Variants in LRRC41 observed in about 807,000 individuals in gnomAD.
The protein encoded by LRRC41 is leucine rich repeat containing 41, also known as leucine-rich repeat-containing protein 41.
A neutral mutation model predicts 72.1 loss-of-function variants in LRRC41; 17 were observed. That is an observed-to-expected ratio of 0.24 (90% CI 0.16 to 0.35). The LOEUF is 0.35. Among genes scored for constraint, LRRC41 ranks in the 10% least tolerant of loss-of-function variants. The pLI is 1.00. For synonymous variants in LRRC41, 427 were observed against 431.0 expected (o/e 0.99, Z 0.11); for missense variants, 759 against 1,065.0 (o/e 0.71, Z 4.00).
Position 46,278,958 on chromosome 1 carries a change from C to T in LRRC41, c.2346G>A (p.Arg782=), listed in dbSNP as rs142839959. ...NWLDQDAVTA[R]EAIRRLRATC... ...TAGCCCGGAGCCGCCGGATGGCTTC[C>T]CTGGCTGTGACTGCATCCTGGTCCA... is the stretch of plus-strand genomic sequence containing the variant. Residue 782 remains arginine, a synonymous_variant, in exon 10 of 10, where the codon AGG becomes AGA. Coordinates refer to ENST00000617190, the MANE Select transcript of LRRC41 (RefSeq NM_006369.5). 6.2e-7 allele frequency: 1 copy of T among 1,613,904 alleles called. No individual in the cohort carries two copies. The highest frequency in any genetic ancestry group is 8.5e-7 in the Non-Finnish European group (1 of 1,180,032).
chr1:46,290,921 T>TTTTTG (rs1557716685), intron 3 of LRRC41, among the ~76,000 whole-genome samples: 1 of 108,380 alleles, frequency 9.2e-6, no homozygotes, highest in South Asian at 3.6e-4. Context: ...TTCTAGTTTT[T>TTTTTG]TTTTTTTTTT....
At position 46,297,555 on chromosome 1, in the gene LRRC41, T is replaced by G. The variant is rs1482827588; in HGVS notation, c.357+8A>C. 1 of 1,613,180 alleles carries G rather than the reference T, an allele frequency of 6.2e-7. No homozygotes were observed. The highest frequency in any genetic ancestry group is 8.5e-7 in the Non-Finnish European group (1 of 1,179,234). On this transcript the variant is annotated splice_region_variant and intron_variant, in intron 3 of 9. Coordinates refer to ENST00000617190, the MANE Select transcript of LRRC41 (RefSeq NM_006369.5). The stretch of plus-strand genomic sequence containing the variant: ...CAGGCTAGCATTCTACCTGATACCT[T>G]AACTTACTTCCAAACTGGAAGGCCT...
At position 46,281,367 on chromosome 1, in the gene LRRC41, A is replaced by G. The variant is rs768593201; in HGVS notation, c.1514T>C (p.Phe505Ser). The change falls in exon 5 of 10, where the codon TTC becomes TCC. Residue 505 changes from phenylalanine (F) to serine (S), a missense_variant. Coordinates refer to ENST00000617190, the MANE Select transcript of LRRC41 (RefSeq NM_006369.5). ...GGCCCGCAGGCTGTCTAGCAGGCGG[A>G]AGATGTTAGAGCCCAGGCCTATGGC... ...LSYNGLGSNI[F>S]RLLDSLRALS... is the part of the protein sequence containing the mutation. 1.2e-6 allele frequency: 2 copies of G among 1,614,176 alleles called. No homozygotes were observed. The highest frequency in any genetic ancestry group is 3.3e-5 in the Admixed American group (2 of 60,030).
chr1:46,284,381 T>C (rs1557713993), intron 4 of LRRC41: 1 of 152,322 alleles, frequency 6.6e-6, no homozygotes, highest in African/African-American at 2.4e-5. Flanking sequence ...TCACTTGCCC[T>C]CATAGGGTTG....
rs1255803592 is a variant in LRRC41 at position 46,302,096 on chromosome 1, C to A, written c.199+1028G>T. On this transcript the variant is annotated intron_variant, in intron 1 of 9. Coordinates refer to ENST00000617190, the MANE Select transcript of LRRC41 (RefSeq NM_006369.5). The surrounding 1 kb of genome is among the most constrained non-coding windows in gnomAD (Gnocchi z 4.7). ...CTCCCAGCCCAACTGGCCGGTTCGC[C>A]CTCCCCGGCCGTTCATCCCGGCGCC... 2.6e-5 allele frequency: 26 copies of A among 985,252 alleles called. No homozygotes were observed. Among genetic ancestry groups the A allele is most frequent in the Non-Finnish European group, 3.0e-5 (25 of 829,890 alleles). The allele number at this position is 985,252 out of a possible 1,614,324, so 61.0% of individuals were successfully genotyped here. A position where few individuals can be genotyped will look rare whatever the true frequency, so the allele number is the denominator to read the frequency against.
chr1:46,298,618 A>T (rs1661170036), intron 1 of LRRC41: 1 of 380,826 alleles, frequency 2.6e-6, no homozygotes, highest in South Asian at 4.1e-5. Context: ...GACATGCTAA[A>T]TGAGCTTGAC....
At chr1:46,290,934 T>TTG (rs1569653159) in intron 3 of LRRC41, among the ~76,000 whole-genome samples, 2 of 147,466 alleles carry the variant, frequency 1.4e-5, no homozygotes, top group East Asian at 3.9e-4. Context: ...TTTTTTTTTT[T>TTG]TTTTTTTTTT....
At position 46,285,099 on chromosome 1, in the gene LRRC41, A is replaced by C. The variant is rs1016680902; in HGVS notation, c.1495+263T>G. The C allele has an allele frequency of 7.7e-6, 4 of 516,404 alleles. No homozygotes were observed. The highest frequency in any genetic ancestry group is 7.7e-5 in the African/African-American group (4 of 52,280). 32.0% of individuals were successfully genotyped at this position (516,404 alleles called of 1,614,324 possible). A position where few individuals can be genotyped will look rare whatever the true frequency, so the allele number is the denominator to read the frequency against. ...TGCCCTTGGACTGCCTTCCATATCTAAAATGTATTCATTCTTCAGATTCCA... is the reference window on the plus strand; with the variant it reads ...TGCCCTTGGACTGCCTTCCATATCTCAAATGTATTCATTCTTCAGATTCCA... On this transcript the variant is annotated intron_variant, in intron 4 of 9. Coordinates refer to ENST00000617190, the MANE Select transcript of LRRC41 (RefSeq NM_006369.5). The surrounding 1 kb of genome is among the most constrained non-coding windows in gnomAD (Gnocchi z 5.3).
chr1:46,281,779 T>C (rs1214498253), intron 4 of LRRC41, among the ~76,000 whole-genome samples: 1 of 152,112 alleles, frequency 6.6e-6, no homozygotes, highest in Admixed American at 6.5e-5. Flanking sequence ...GGAGAAGACA[T>C]AGTCAAGAGT....
rs370487228 is a variant in LRRC41, at chr1:46,302,550, C to CT, written c.199+573dup. 522 of 985,116 alleles carry CT rather than the reference C, an allele frequency of 5.3e-4. 7 individuals carry two copies. In the East Asian group the frequency reaches 0.015, roughly 29 times the overall value. The allele number at this position is 985,116 out of a possible 1,614,324, so 61.0% of individuals were successfully genotyped here. A position where few individuals can be genotyped will look rare whatever the true frequency, so the allele number is the denominator to read the frequency against. ...CGACCCTTTCGTTCGGCCTCTCCCCCTGCCCCATTCCCTCGCTCTCCAATC... is the reference window on the plus strand; with the variant it reads ...CGACCCTTTCGTTCGGCCTCTCCCCCTTGCCCCATTCCCTCGCTCTCCAATC... On this transcript the variant is annotated intron_variant, in intron 1 of 9. Coordinates refer to ENST00000617190, the MANE Select transcript of LRRC41 (RefSeq NM_006369.5). This position sits in a 1 kb window ranked among gnomAD's most constrained non-coding sequence, Gnocchi z 4.7.
Position 46,285,943 on chromosome 1 carries a change from C to T in LRRC41, c.914G>A (p.Arg305Gln), listed in dbSNP as rs570431309. 9.1e-6 allele frequency: 14 copies of T among 1,534,146 alleles called. No homozygotes were observed. The highest frequency in any genetic ancestry group is 3.8e-5 in the South Asian group (3 of 78,808). The stretch of plus-strand genomic sequence containing the variant: ...CATCTGCTTGGCTTCACTCTTACGC[C>T]GGCTGGCCATCAGGGCTGCAGCACA... ...ERCAAALMASRRKSEAKQMPR... is the reference protein window; with the variant it reads ...ERCAAALMASQRKSEAKQMPR... The change falls in exon 4 of 10, where the codon CGG (arginine) becomes CAG (glutamine). Residue 305 changes from arginine to glutamine, a missense_variant. By Grantham distance (43) the Arg-to-Gln change is conservative. Transcript: ENST00000617190. The surrounding 1 kb of genome is among the most constrained non-coding windows in gnomAD (Gnocchi z 5.3).
chr1:46,281,508 T>C, intron 4 of LRRC41, 123 bp from the exon 5 acceptor site: 1 of 940,774 alleles, frequency 1.1e-6, no homozygotes, highest in Non-Finnish European at 1.6e-6. Flanking sequence ...TCAGCTTATT[T>C]AAACCCATTT....
In LRRC41 at chr1:46,303,379, T is replaced by A; in HGVS notation, c.-57A>T. 1 of 1,440,974 alleles carries A rather than the reference T, an allele frequency of 6.9e-7. No homozygotes were observed. Among genetic ancestry groups the A allele is most frequent in the Non-Finnish European group, 9.2e-7 (1 of 1,092,856 alleles). The allele number at this position is 1,440,974 out of a possible 1,614,324, so 89.3% of individuals were successfully genotyped here. A position where few individuals can be genotyped will look rare whatever the true frequency, so the allele number is the denominator to read the frequency against. The stretch of plus-strand genomic sequence containing the variant: ...CCCGCGGACCGCCATCTTGAAAAGG[T>A]CAGCAGTTAGGACGGCTCCATAAGC... On this transcript the variant is annotated 5_prime_UTR_variant, in exon 1 of 10. Transcript: ENST00000617190.
Position 46,277,881 on chromosome 1 carries a change from T to G in LRRC41, c.*984A>C, listed in dbSNP as rs1660661872. ...CACAAGAAGGCACTGAGCAGCTGTG[T>G]GGTGGATGAGGAGCAGGATGTAGAG... On this transcript the variant is annotated 3_prime_UTR_variant, in exon 10 of 10. Transcript: ENST00000617190. The G allele has an allele frequency of 1.4e-5, 22 of 1,613,918 alleles. No homozygotes were observed. Among genetic ancestry groups the G allele is most frequent in the Non-Finnish European group, 1.8e-5 (21 of 1,179,898 alleles).
chr1:46,285,652 G>A lies in LRRC41; in HGVS notation c.1205C>T (p.Thr402Ile). Residue 402 changes from threonine (T) to isoleucine (I), a missense_variant, in exon 4 of 10, where the codon ACC becomes ATC. Thr to Ile is a moderately conservative substitution (Grantham distance 89). Coordinates refer to ENST00000617190, the MANE Select transcript of LRRC41 (RefSeq NM_006369.5). This position sits in a 1 kb window ranked among gnomAD's most constrained non-coding sequence, Gnocchi z 5.3. Reference protein sequence around the residue: ...KRAAGKKGARTRQGPGAESED... With the variant: ...KRAAGKKGARIRQGPGAESED... ...AGACTCTGCACCAGGCCCCTGACGGGTGCGAGCACCCTTCTTCCCTGCAGC... is the reference window on the plus strand; with the variant it reads ...AGACTCTGCACCAGGCCCCTGACGGATGCGAGCACCCTTCTTCCCTGCAGC... The A allele has an allele frequency of 6.2e-7, 1 of 1,614,160 alleles. No individual in the cohort carries two copies. Among genetic ancestry groups the A allele is most frequent in the Non-Finnish European group, 8.5e-7 (1 of 1,180,022 alleles).
rs1661284703 is a variant in LRRC41 at position 46,303,227 on chromosome 1, T to A, written c.96A>T (p.Pro32=). ...TMEATSREAA[P]AKSSASGPNA... ...TGGGGCCCGAGGCCGAGCTCTTCGC[T>A]GGCGCCGCCTCCCGGGACGTGGCCT... Residue 32 remains proline (P), a synonymous_variant, in exon 1 of 10, where the codon CCA becomes CCT. Transcript: ENST00000617190. 1 of 1,559,934 alleles carries A rather than the reference T, an allele frequency of 6.4e-7. No individual in the cohort carries two copies. Among genetic ancestry groups the A allele is most frequent in the Admixed American group, 1.9e-5 (1 of 53,476 alleles).
At chr1:46,280,679 G>A in intron 5 of LRRC41, 119 bp from the exon 6 acceptor site, 1 of 988,260 alleles carries the variant, frequency 1.0e-6, no homozygotes, top group Non-Finnish European at 1.5e-6. Context: ...ACTTGTCGTT[G>A]AGTGCCTACC....
intron 4 of LRRC41, among the ~76,000 whole-genome samples, chr1:46,283,148 A>AT (rs1039992920): frequency 1.3e-5 from 2 of 152,094 alleles, no homozygotes; most frequent in African/African-American, 2.4e-5. Flanking sequence ...TTTTTGACTG[A>AT]TTTTTTTAAA....
Position 46,303,373 on chromosome 1 carries a change from A to G in LRRC41, c.-51T>C, listed in dbSNP as rs1413082826. The G allele has an allele frequency of 6.9e-7, 1 of 1,451,434 alleles. No homozygotes were observed. The allele number at this position is 1,451,434 out of a possible 1,614,324, so 89.9% of individuals were successfully genotyped here. On this transcript the variant is annotated 5_prime_UTR_variant, in exon 1 of 10. Transcript: ENST00000617190. ...GTGTCGCCCGCGGACCGCCATCTTG[A>G]AAAGGTCAGCAGTTAGGACGGCTCC...
Sources: allele counts gnomAD v4.1 joint callset (sites outside exome capture counted in the v4.1 genomes callset), GRCh38; gene constraint gnomAD v4.1.1; non-coding constraint Gnocchi (gnomAD v3.1); transcripts MANE v1.5; gene names NCBI Gene and HGNC (gene_info 2026-07-23, HGNC 2026-07-21).